GKN2: variants seen among roughly 807,000 people sequenced by gnomAD.
The protein encoded by GKN2 is gastrokine 2.
GKN2 carries 17 observed loss-of-function variants against 22.7 expected under a neutral mutation model. The ratio of observed to expected loss-of-function variants is 0.75; its 90% CI spans 0.51 to 1.13. GKN2 has a LOEUF of 1.13. GKN2 is among the 50% of genes most tolerant of loss of function. The pLI, the probability that GKN2 is intolerant of heterozygous loss-of-function variation, is 0.00. For synonymous variants in GKN2, 82 were observed against 79.6 expected (o/e 1.03, Z -0.16); for missense variants, 248 against 221.4 (o/e 1.12, Z -0.76).
intron 1 of GKN2, among the ~76,000 whole-genome samples, chr2:68,951,644 G>A (rs1225282554): frequency 6.6e-6 from 1 of 152,102 alleles, no homozygotes; most frequent in African/African-American, 2.4e-5. Flanking sequence ...TTCTCTTCTG[G>A]GGACTGGGAG....
At chr2:68,951,138 T>G (rs982351993) in intron 1 of GKN2, among the ~76,000 whole-genome samples, 3 of 152,162 alleles carry the variant, frequency 2.0e-5, no homozygotes, top group African/African-American at 7.2e-5. Flanking sequence ...GGTCAAATTG[T>G]GTCCTCTAAA....
chr2:68,946,950 C>G (rs1405135937), intron 4 of GKN2, among the ~76,000 whole-genome samples, 197 bp downstream of exon 4: 1 of 152,114 alleles, frequency 6.6e-6, no homozygotes, highest in African/African-American at 2.4e-5. Flanking sequence ...TGGTGGAAAT[C>G]AAGCTAAGAT....
At chr2:68,949,362 T>C (rs1669820236) in intron 3 of GKN2, among the ~76,000 whole-genome samples, 1 of 152,168 alleles carries the variant, frequency 6.6e-6, no homozygotes, top group Non-Finnish European at 1.5e-5. Flanking sequence ...TCTGGATTTC[T>C]GCTATGTTGT....
Position 68,945,482 on chromosome 2 carries a change from C to T in GKN2, c.473-32G>A, listed in dbSNP as rs561884104. 1.8e-4 allele frequency: 259 copies of T among 1,454,926 alleles called. 2 individuals carry two copies. In the South Asian group the frequency reaches 3.0e-3, roughly 17 times the overall value. 90.1% of individuals were successfully genotyped at this position (1,454,926 alleles called of 1,614,324 possible). ...AAGGGAAAATTTTTCAGAGAAAGAG[C>T]ATTAAAAAATATATTATTGGAATTA... On this transcript the variant is annotated intron_variant, in intron 5 of 5. Coordinates refer to ENST00000328895, the MANE Select transcript of GKN2 (RefSeq NM_182536.3).
At position 68,946,350 on chromosome 2, in the gene GKN2, G is replaced by C; in HGVS notation, c.426C>G (p.Leu142=). ...CCTTATACAAAGGGATATGTTTGCA[G>C]AGTTTCTCAATGGGTGACCCAAGCA... ...WFLLGSPIEK[L]CKHIPLYKGE... is the part of the protein sequence containing the mutation. Residue 142 remains leucine, a synonymous_variant, in exon 5 of 6, where the codon CTC becomes CTG. Transcript: ENST00000328895. 1 of 1,613,962 alleles carries C rather than the reference G, an allele frequency of 6.2e-7. No individual in the cohort carries two copies. Among genetic ancestry groups the C allele is most frequent in the Non-Finnish European group, 8.5e-7 (1 of 1,179,966 alleles).
At chr2:68,945,791 T>C (rs72837902) in intron 5 of GKN2, 13,934 of 229,200 alleles carry the variant, frequency 0.061, 518 homozygotes, top group Middle Eastern at 0.15. Context: ...TTAGAAACTT[T>C]GTATAAAAAT....
chr2:68,945,444 A>T lies in GKN2; in HGVS notation c.479T>A (p.Val160Asp). The T allele has an allele frequency of 6.2e-7, 1 of 1,607,834 alleles. No homozygotes were observed. The highest frequency in any genetic ancestry group is 8.5e-7 in the Non-Finnish European group (1 of 1,176,228). ...KGEVVENTHNVGAGGCAKAGL... is the reference protein window; with the variant it reads ...KGEVVENTHNDGAGGCAKAGL... ...AGCCTTTGCACAGCCTCCAGCACCG[A>T]CATTATCTGGAAAAGGGAAAATTTT... The change falls in exon 6 of 6, where the codon GTC (valine) becomes GAC (aspartate). Residue 160 changes from valine to aspartate, a missense_variant. Physicochemically the swap from Val to Asp is radical, Grantham distance 152 (BLOSUM62 -3). Coordinates refer to ENST00000328895, the MANE Select transcript of GKN2 (RefSeq NM_182536.3).
At position 68,950,764 on chromosome 2, in the gene GKN2, C is replaced by T. The variant is rs1217517641; in HGVS notation, c.13-9G>A. On this transcript the variant is annotated splice_polypyrimidine_tract_variant and intron_variant, in intron 1 of 5. Transcript: ENST00000328895. ...ACCACCAGAAATGCCACCTGAAAAA[C>T]AGACCCACCACATCCATTCTTTATA... The T allele has an allele frequency of 1.2e-6, 2 of 1,613,862 alleles. No individual in the cohort carries two copies. Among genetic ancestry groups the T allele is most frequent in the East Asian group, 2.2e-5 (1 of 44,888 alleles).
chr2:68,948,120 C>A (rs1304866191), intron 3 of GKN2, among the ~76,000 whole-genome samples: 2 of 151,682 alleles, frequency 1.3e-5, no homozygotes, highest in African/African-American at 4.8e-5. Context: ...GTGGCGGGCA[C>A]CTGTAGTCCC....
chr2:68,945,640 A>G (rs1669754696), intron 5 of GKN2, 190 bp from the exon 6 acceptor site: 2 of 465,522 alleles, frequency 4.3e-6, no homozygotes, highest in Non-Finnish European at 7.8e-6. Context: ...ATGAATGAGT[A>G]CTTAAAATTT....
At chr2:68,946,515 T>G in intron 4 of GKN2, 55 bp from the exon 5 acceptor site, 1 of 1,404,380 alleles carries the variant, frequency 7.1e-7, no homozygotes, top group Non-Finnish European at 9.5e-7. Context: ...AAAATTGGTG[T>G]ACCTTATTCT....
At chr2:68,950,071 C>T in intron 3 of GKN2, 55 bp downstream of exon 3, 11 of 1,521,436 alleles carry the variant, frequency 7.2e-6, no homozygotes, top group South Asian at 1.2e-5. Context: ...ATATAGATCC[C>T]TCTGCTCTTT....
Position 68,952,832 on chromosome 2 carries a change from G to A in GKN2, c.12+18C>T, listed in dbSNP as rs772718036. The A allele has an allele frequency of 1.9e-6, 3 of 1,613,640 alleles. No homozygotes were observed. The highest frequency in any genetic ancestry group is 2.7e-5 in the African/African-American group (2 of 75,030). On this transcript the variant is annotated intron_variant, in intron 1 of 5. Transcript: ENST00000328895. ...GCAGTCACCACAAGAGTATCAAGAA[G>A]CAGAAACAAATACTCACAAGTATTT... is the stretch of plus-strand genomic sequence containing the variant.
At position 68,952,752 on chromosome 2, in the gene GKN2, ATC is replaced by A; in HGVS notation, c.12+96_12+97del. 3.4e-6 allele frequency: 4 copies of A among 1,175,274 alleles called. No individual in the cohort carries two copies. In the South Asian group the frequency reaches 5.6e-5, roughly 17 times the overall value. 72.8% of individuals were successfully genotyped at this position (1,175,274 alleles called of 1,614,324 possible). A position where few individuals can be genotyped will look rare whatever the true frequency, so the allele number is the denominator to read the frequency against. On this transcript the variant is annotated intron_variant, in intron 1 of 5. Transcript: ENST00000328895. ...ACAGAAGCTTAGAAGCATGCACAGT[ATC>A]TGTCTAAGACTCCCAAAATCCATGG...
intron 1 of GKN2, 70 bp downstream of exon 1, chr2:68,952,780 C>G: frequency 6.6e-7 from 1 of 1,521,876 alleles, no homozygotes; most frequent in Non-Finnish European, 9.1e-7. Context: ...AAATCCATGG[C>G]ATATTAGATA....
chr2:68,946,017 A>G (rs1669759996), intron 5 of GKN2: 1 of 411,986 alleles, frequency 2.4e-6, no homozygotes, highest in East Asian at 3.5e-5. Flanking sequence ...GAAAGTATAC[A>G]AGAATCGAGT....
At chr2:68,950,399 CA>C in intron 2 of GKN2, 136 bp from the exon 3 acceptor site, 2 of 815,434 alleles carry the variant, frequency 2.5e-6, no homozygotes, top group African/African-American at 1.7e-5. Flanking sequence ...GGTCCCAATC[CA>C]AAAACTTATG....
intron 1 of GKN2, 36 bp from the exon 2 acceptor site, chr2:68,950,791 G>C (rs189673070): frequency 6.2e-7 from 1 of 1,606,222 alleles, no homozygotes; most frequent in Admixed American, 1.7e-5. Flanking sequence ...TTCTTTATAG[G>C]GTAGTCATTG....
At chr2:68,947,383 TC>T in intron 3 of GKN2, 126 bp from the exon 4 acceptor site, 1 of 636,336 alleles carries the variant, frequency 1.6e-6, no homozygotes, top group East Asian at 2.7e-5. Context: ...GGGATTGCTC[TC>T]CAATCTGCAA....
Sources: allele counts gnomAD v4.1 joint callset (sites outside exome capture counted in the v4.1 genomes callset), GRCh38; gene constraint gnomAD v4.1.1; transcripts MANE v1.5; gene names NCBI Gene and HGNC (gene_info 2026-07-23, HGNC 2026-07-21).